The following XKR9 variants were observed in gnomAD, a reference collection of about 807,000 sequenced individuals.
The protein encoded by XKR9 is XK related 9.
A neutral mutation model predicts 32.0 loss-of-function variants in XKR9; 32 were observed. That is an observed-to-expected ratio of 1.00 (90% CI 0.76 to 1.34). The LOEUF is 1.34. Among genes scored for constraint, XKR9 ranks in the 40% most tolerant of loss-of-function variants. The pLI is 0.00. For synonymous variants in XKR9, 168 were observed against 143.4 expected, an observed-to-expected ratio of 1.17 and a Z score of -1.22; for missense variants, 546 against 429.7, an observed-to-expected ratio of 1.27 and a Z score of -2.39.
the XKR9 span, among the ~76,000 whole-genome samples, chr8:70,829,598 G>T: frequency 2.0e-5 from 3 of 152,062 alleles, no homozygotes; most frequent in Non-Finnish European, 2.9e-5. Flanking sequence ...ACAGGCGCCC[G>T]CTACCACACC....
downstream of XKR9, among the ~76,000 whole-genome samples, chr8:70,738,891 T>C (rs1806911939): frequency 6.6e-6 from 1 of 152,178 alleles, no homozygotes; most frequent in African/African-American, 2.4e-5. Flanking sequence ...TACTTCCAAG[T>C]ATGTGGTCAA....
the XKR9 span, among the ~76,000 whole-genome samples, chr8:70,998,112 A>G: frequency 7.1e-4 from 108 of 152,372 alleles, no homozygotes; most frequent in African/African-American, 2.5e-3. Context: ...ATGAAGTAGC[A>G]CTAACAGCTA....
chr8:70,733,690 A>G (rs968786361), intron 4 of XKR9, 106 bp from the exon 5 acceptor site: 1 of 1,038,656 alleles, frequency 9.6e-7, no homozygotes, highest in Middle Eastern at 3.3e-4. Flanking sequence ...AAAGTATGTG[A>G]CGTGTTTGTG....
At chr8:71,022,232 T>G in the XKR9 span, among the ~76,000 whole-genome samples, 1 of 152,216 alleles carries the variant, frequency 6.6e-6, no homozygotes, top group East Asian at 1.9e-4. Context: ...TTTTGGTTAT[T>G]GTAGTATTAT....
chr8:70,835,826 A>G, the XKR9 span, among the ~76,000 whole-genome samples: 1 of 152,092 alleles, frequency 6.6e-6, no homozygotes, highest in Non-Finnish European at 1.5e-5. Flanking sequence ...GAGATTCTAG[A>G]GAAGATTCCT....
the XKR9 span, among the ~76,000 whole-genome samples, chr8:71,038,508 A>G: frequency 6.6e-6 from 1 of 151,162 alleles, no homozygotes; most frequent in African/African-American, 2.4e-5. Context: ...TTTAGTAGAG[A>G]TGGGGTTTCA....
the XKR9 span, among the ~76,000 whole-genome samples, chr8:70,976,799 G>C: frequency 1.3e-5 from 2 of 152,326 alleles, no homozygotes; most frequent in East Asian, 3.9e-4. Flanking sequence ...AATGGGACCA[G>C]CTCCTGTTTG....
the XKR9 span, among the ~76,000 whole-genome samples, chr8:71,039,354 A>G: frequency 1.3e-5 from 2 of 152,206 alleles, no homozygotes; most frequent in Admixed American, 6.5e-5. Flanking sequence ...CCTACTTTAA[A>G]CATGCTGAGA....
intron 1 of XKR9, among the ~76,000 whole-genome samples, chr8:70,673,352 A>G (rs1818780479): frequency 1.3e-5 from 2 of 152,222 alleles, no homozygotes; most frequent in South Asian, 2.1e-4. Flanking sequence ...ATGAAGGAAT[A>G]GGCCAAATGA....
the XKR9 span, among the ~76,000 whole-genome samples, chr8:70,861,684 G>T: frequency 6.6e-6 from 1 of 151,894 alleles, no homozygotes; most frequent in Admixed American, 6.6e-5. Flanking sequence ...GTAAAATAAA[G>T]CTGTTGTGAG....
the XKR9 span, among the ~76,000 whole-genome samples, chr8:70,873,514 T>C: frequency 1.3e-5 from 2 of 152,184 alleles, no homozygotes; most frequent in Non-Finnish European, 2.9e-5. Context: ...ATGGTTGACT[T>C]TCAGGGATTC....
chr8:70,950,697 G>C, the XKR9 span, among the ~76,000 whole-genome samples: 5 of 151,786 alleles, frequency 3.3e-5, no homozygotes, highest in African/African-American at 1.2e-4. Flanking sequence ...CTTTTGAGAT[G>C]GAGTCTCACT....
the XKR9 span, among the ~76,000 whole-genome samples, chr8:70,825,680 C>T: frequency 6.6e-6 from 1 of 152,064 alleles, no homozygotes; most frequent in African/African-American, 2.4e-5. Context: ...CACTTCTATG[C>T]CTCCCAAATT....
At chr8:70,810,047 G>T in the XKR9 span, among the ~76,000 whole-genome samples, 7 of 152,086 alleles carry the variant, frequency 4.6e-5, no homozygotes, top group Admixed American at 2.6e-4. Context: ...AGAGAAAGGT[G>T]GGGTTACCCA....
At chr8:70,797,244 G>A in the XKR9 span, among the ~76,000 whole-genome samples, 2 of 152,186 alleles carry the variant, frequency 1.3e-5, no homozygotes, top group Non-Finnish European at 2.9e-5. Flanking sequence ...AGGTGGAGAG[G>A]TAGTGTGGAG....
chr8:70,824,150 T>G, the XKR9 span, among the ~76,000 whole-genome samples: 1 of 152,112 alleles, frequency 6.6e-6, no homozygotes, highest in Non-Finnish European at 1.5e-5. Flanking sequence ...AGGAAATACA[T>G]TAGGCAAAAG....
chr8:70,893,259 A>G, the XKR9 span, among the ~76,000 whole-genome samples: 1 of 151,946 alleles, frequency 6.6e-6, no homozygotes, highest in Admixed American at 6.6e-5. Context: ...ATTTTGTTGA[A>G]TTGTTCATCT....
intron 2 of XKR9, among the ~76,000 whole-genome samples, chr8:70,771,342 A>T (rs1212357750): frequency 6.6e-6 from 1 of 152,188 alleles, no homozygotes; most frequent in African/African-American, 2.4e-5. Flanking sequence ...TGCAGACTGG[A>T]GCTGTTCCTA....
the XKR9 span, among the ~76,000 whole-genome samples, chr8:70,884,820 C>G: frequency 2.0e-5 from 3 of 152,092 alleles, no homozygotes; most frequent in Non-Finnish European, 4.4e-5. Context: ...CAGGTAGTGT[C>G]AATAAATTCT....
Sources: allele counts gnomAD v4.1 joint callset (sites outside exome capture counted in the v4.1 genomes callset), GRCh38; gene constraint gnomAD v4.1.1; transcripts MANE v1.5; gene names NCBI Gene and HGNC (gene_info 2026-07-23, HGNC 2026-07-21).